The following FNBP1 variants were observed in gnomAD, a reference collection of about 807,000 sequenced individuals.
The protein encoded by FNBP1 is formin binding protein 1, also known as formin-binding protein 1.
Under a neutral mutation model 90.6 loss-of-function variants are expected in FNBP1, and 26 were observed. The observed-to-expected ratio is 0.29, with a 90% confidence interval of 0.21 to 0.40. The LOEUF (loss-of-function observed/expected upper bound fraction) is 0.40. Ranked by LOEUF, FNBP1 falls within the 10% of genes least tolerant of loss-of-function variation. FNBP1 has a pLI of 1.00. For synonymous variants in FNBP1, 260 were observed against 265.2 expected, an observed-to-expected ratio of 0.98 and a Z score of 0.19; for missense variants, 635 against 768.0, an observed-to-expected ratio of 0.83 and a Z score of 2.05.
At chr9:129,898,787 C>T (rs894795444) in intron 15 of FNBP1, among the ~76,000 whole-genome samples, 7 of 152,204 alleles carry the variant, frequency 4.6e-5, no homozygotes, top group East Asian at 3.9e-4. Flanking sequence ...TGCACCCAGC[C>T]GCTGCTTGCT....
At chr9:129,929,781 C>T in intron 6 of FNBP1, 86 bp from the exon 7 acceptor site, 3 of 1,295,004 alleles carry the variant, frequency 2.3e-6, no homozygotes, top group South Asian at 1.4e-5. Flanking sequence ...GAACTGCACA[C>T]TGGGATGCCT....
At position 130,031,216 on chromosome 9, in the gene FNBP1, A is replaced by G. The variant is rs2058772895; in HGVS notation, c.24+11736T>C. Among the ~76,000 whole-genome samples, 2 of 152,360 alleles carry G rather than the reference A, an allele frequency of 1.3e-5. No individual in the cohort carries two copies. Among genetic ancestry groups the G allele is most frequent in the African/African-American group, 2.4e-5 (1 of 41,586 alleles). On this transcript the variant is annotated intron_variant, in intron 1 of 16. Transcript: ENST00000446176. The surrounding 1 kb of genome is among the most constrained non-coding windows in gnomAD (Gnocchi z 4.2). ...AAGGCTCTCTACTGAAACCCACTCC[A>G]GTAATCCAGTCAGCCAATCGGCCCA... is the stretch of plus-strand genomic sequence containing the variant.
chr9:130,029,904 A>G (rs2058661009), intron 1 of FNBP1, among the ~76,000 whole-genome samples: 1 of 152,046 alleles, frequency 6.6e-6, no homozygotes. Context: ...GGATTGCTTG[A>G]GCCCGGGAGG....
intron 11 of FNBP1, 80 bp downstream of exon 11, chr9:129,915,886 T>C: frequency 1.0e-6 from 1 of 977,748 alleles, no homozygotes; most frequent in Non-Finnish European, 1.6e-6. Flanking sequence ...GAAGATACGT[T>C]GTGCATGGCA....
intron 6 of FNBP1, among the ~76,000 whole-genome samples, chr9:129,953,633 A>G (rs2046495139): frequency 6.6e-6 from 1 of 152,188 alleles, no homozygotes; most frequent in Non-Finnish European, 1.5e-5. Flanking sequence ...ATATCTGGAA[A>G]TGGACAACAT....
At chr9:130,037,031 C>T (rs1293244875) in intron 1 of FNBP1, among the ~76,000 whole-genome samples, 1 of 137,292 alleles carries the variant, frequency 7.3e-6, no homozygotes, top group African/African-American at 2.7e-5. Context: ...GGCAACCCAG[C>T]GAGACTCCAT....
chr9:129,925,696 C>T (rs1235340516), intron 8 of FNBP1, among the ~76,000 whole-genome samples: 3 of 133,774 alleles, frequency 2.2e-5, no homozygotes, highest in Admixed American at 8.3e-5. Flanking sequence ...CAGGTTTAAG[C>T]GATTCTCCTG....
chr9:129,938,111 C>T (rs780452641), intron 6 of FNBP1, among the ~76,000 whole-genome samples: 5 of 151,644 alleles, frequency 3.3e-5, no homozygotes, highest in African/African-American at 1.2e-4. Context: ...TGCACTGAGC[C>T]GAGATTGAGC....
At chr9:130,018,644 T>C (rs1317495411) in intron 1 of FNBP1, among the ~76,000 whole-genome samples, 1 of 152,132 alleles carries the variant, frequency 6.6e-6, no homozygotes, top group African/African-American at 2.4e-5. Context: ...CAGCTCACTA[T>C]GCTGCCCAGG....
chr9:129,993,309 T>C lies in FNBP1; in HGVS notation c.140+1534A>G, dbSNP rs1215980629. On this transcript the variant is annotated intron_variant, in intron 2 of 16. Coordinates refer to ENST00000446176, the MANE Select transcript of FNBP1 (RefSeq NM_015033.3). Reference sequence around the variant, plus strand: ...AGCTCTTTAACAGGCCTTAAAACAATATCCACAAACCAATTCAACTACAAC... The same window carrying C: ...AGCTCTTTAACAGGCCTTAAAACAACATCCACAAACCAATTCAACTACAAC... Among the ~76,000 whole-genome samples the C allele has an allele frequency of 2.0e-5, 3 of 150,724 alleles. No individual in the cohort carries two copies. The South Asian group carries it at 6.3e-4, about 32-fold the overall frequency.
At chr9:129,989,785 C>T (rs908469152) in intron 2 of FNBP1, among the ~76,000 whole-genome samples, 3 of 152,168 alleles carry the variant, frequency 2.0e-5, no homozygotes, top group Admixed American at 1.3e-4. Flanking sequence ...CACCTGTAAT[C>T]CCAGCACTTT....
At chr9:129,914,999 TTGAC>T (rs1446636834) in intron 11 of FNBP1, 2 of 359,630 alleles carry the variant, frequency 5.6e-6, no homozygotes, top group Admixed American at 3.2e-5. Flanking sequence ...AATGATTAGT[TTGAC>T]TGTTGACTAG....
Position 129,988,334 on chromosome 9 carries a change from T to TGGGC in FNBP1, c.140+6508_140+6509insGCCC, listed in dbSNP as rs2052607260. On this transcript the variant is annotated intron_variant, in intron 2 of 16. Coordinates refer to ENST00000446176, the MANE Select transcript of FNBP1 (RefSeq NM_015033.3). ...GAATTTCAACCTATACTACCTTGAA[T>TGGGC]AGATAGTGACCTCAGGGGTTGGCAA... Among the ~76,000 whole-genome samples, 13 of 151,500 alleles carry TGGGC rather than the reference T, an allele frequency of 8.6e-5. 1 individual carries two copies. Among genetic ancestry groups the TGGGC allele is most frequent in the African/African-American group, 2.9e-4 (12 of 40,844 alleles).
chr9:129,955,833 GCGCA>G (rs1486637053), intron 6 of FNBP1, among the ~76,000 whole-genome samples: 6,582 of 138,980 alleles, frequency 0.047, 313 homozygotes, highest in African/African-American at 0.13. Context: ...TTCTTTTAGC[GCGCA>G]CACACACACA....
rs951605511 is a variant in FNBP1, at chr9:129,887,384, T to G, written c.*3155A>C. ...AATTAGTGCAACACACATACGAACA[T>G]TTTAAAGGTGCTCAACATCAGGTTA... is the stretch of plus-strand genomic sequence containing the variant. On this transcript the variant is annotated 3_prime_UTR_variant, in exon 17 of 17. Transcript: ENST00000446176. 2.0e-5 allele frequency: 4 copies of G among 198,780 alleles called. No homozygotes were observed. The highest frequency in any genetic ancestry group is 6.1e-5 in the Admixed American group (1 of 16,508). 12.3% of individuals were successfully genotyped at this position (198,780 alleles called of 1,614,324 possible).
intron 2 of FNBP1, among the ~76,000 whole-genome samples, chr9:129,980,930 A>C (rs959993348): frequency 1.3e-5 from 2 of 151,578 alleles, no homozygotes; most frequent in Admixed American, 6.6e-5. Flanking sequence ...AGGCGCCTGT[A>C]GTCCCAGCTA....
chr9:130,017,784 C>T (rs759932911), intron 1 of FNBP1, among the ~76,000 whole-genome samples: 3 of 149,844 alleles, frequency 2.0e-5, no homozygotes, highest in Admixed American at 6.7e-5. Context: ...GAGCTAAGAT[C>T]GCACTACTGC....
At position 129,957,469 on chromosome 9, in the gene FNBP1, A is replaced by T. The variant is rs765491939; in HGVS notation, c.409-5T>A. On this transcript the variant is annotated splice_polypyrimidine_tract_variant and splice_region_variant and intron_variant, in intron 5 of 16. Coordinates refer to ENST00000446176, the MANE Select transcript of FNBP1 (RefSeq NM_015033.3). The surrounding 1 kb of genome is among the most constrained non-coding windows in gnomAD (Gnocchi z 4.3). ...GCGTTCAAATCGCCTTTTACTCTAAAATCAGAGGAAAATAATTATGAAACC... is the reference window on the plus strand; with the variant it reads ...GCGTTCAAATCGCCTTTTACTCTAATATCAGAGGAAAATAATTATGAAACC... 1 of 1,597,260 alleles carries T rather than the reference A, an allele frequency of 6.3e-7. No individual in the cohort carries two copies. The highest frequency in any genetic ancestry group is 2.2e-5 in the East Asian group (1 of 44,790).
At chr9:130,020,678 A>C (rs2057741176) in intron 1 of FNBP1, among the ~76,000 whole-genome samples, 1 of 152,218 alleles carries the variant, frequency 6.6e-6, no homozygotes, top group South Asian at 2.1e-4. Context: ...ATAGAAATAG[A>C]AAATTAATAT....
Sources: allele counts gnomAD v4.1 joint callset (sites outside exome capture counted in the v4.1 genomes callset), GRCh38; gene constraint gnomAD v4.1.1; non-coding constraint Gnocchi (gnomAD v3.1); transcripts MANE v1.5; gene names NCBI Gene and HGNC (gene_info 2026-07-23, HGNC 2026-07-21).